The following FMO5 variants were observed in gnomAD, a reference collection of about 807,000 sequenced individuals.
The protein encoded by FMO5 is flavin-containing monooxygenase 5.
A neutral mutation model predicts 43.6 loss-of-function variants in FMO5; 51 were observed. That is an observed-to-expected ratio of 1.17 (90% confidence interval 0.93 to 1.48). FMO5 has a LOEUF of 1.48. Ranked by LOEUF, FMO5 falls within the 40% of genes most tolerant of loss-of-function variation. The pLI is 0.00. For synonymous variants in FMO5, 187 were observed against 216.5 expected, an observed-to-expected ratio of 0.86 and a Z score of 1.20; for missense variants, 644 against 643.0, an observed-to-expected ratio of 1.00 and a Z score of -0.02.
intron 5 of FMO5, chr1:147,209,781 C>T (rs1214738290): frequency 6.6e-6 from 1 of 152,184 alleles, no homozygotes; most frequent in Non-Finnish European, 1.5e-5. Context: ...GCACTTATCA[C>T]CTGTAGAACT....
intron 7 of FMO5, among the ~76,000 whole-genome samples, chr1:147,191,151 C>A (rs587653957): frequency 6.9e-4 from 105 of 152,218 alleles, no homozygotes; most frequent in Admixed American, 2.8e-3. Context: ...CATACGTGTG[C>A]ATGTGTCTTT....
intron 2 of FMO5, among the ~76,000 whole-genome samples, chr1:147,221,335 T>A (rs1662978474): frequency 6.6e-6 from 1 of 152,212 alleles, no homozygotes; most frequent in South Asian, 2.1e-4. Context: ...AAACGTATCA[T>A]ACTAATGTAA....
chr1:147,223,154 T>C (rs1663353638), intron 2 of FMO5, among the ~76,000 whole-genome samples: 1 of 152,122 alleles, frequency 6.6e-6, no homozygotes, highest in Non-Finnish European at 1.5e-5. Context: ...GTGACAGAAA[T>C]AAGGTTTGAG....
intron 7 of FMO5, among the ~76,000 whole-genome samples, chr1:147,198,815 C>T (rs1174771132): frequency 1.5e-5 from 2 of 133,380 alleles, no homozygotes; most frequent in African/African-American, 5.6e-5. Flanking sequence ...AGCGCCACTG[C>T]ACTCCAGCCT....
chr1:147,212,412 A>G lies in FMO5; in HGVS notation c.611T>C (p.Ile204Thr). 6.2e-7 allele frequency: 1 copy of G among 1,614,062 alleles called. No individual in the cohort carries two copies. The highest frequency in any genetic ancestry group is 8.5e-7 in the Non-Finnish European group (1 of 1,179,964). The change falls in exon 5 of 9, where the codon ATT becomes ACT. Residue 204 changes from isoleucine to threonine, a missense_variant. By Grantham distance (89) the Ile-to-Thr change is moderately conservative (BLOSUM62 -1). Transcript: ENST00000254090. ...GNSGGDLAVE[I>T]SQTAKQVFLS... is the part of the protein sequence containing the mutation. ...TCAAACCTGCTTGGCTGTTTGGCTA[A>G]TCTCTACAGCCAGATCCCCTCCAGA...
At chr1:147,198,850 C>CAAAAAAAAAAAAAA (rs151035141) in intron 7 of FMO5, among the ~76,000 whole-genome samples, 1 of 51,762 alleles carries the variant, frequency 1.9e-5, no homozygotes, top group Non-Finnish European at 3.6e-5. Context: ...GACTGCATCT[C>CAAAAAAAAAAAAAA]AAAAAAAAAA....
intron 1 of FMO5, 83 bp from the exon 2 acceptor site, chr1:147,225,149 A>C: frequency 1.3e-6 from 2 of 1,557,804 alleles, no homozygotes; most frequent in Non-Finnish European, 1.7e-6. Context: ...ATTCGAATAA[A>C]TTCTGTACAA....
intron 6 of FMO5, 73 bp from the exon 7 acceptor site, chr1:147,201,577 C>G (rs1364981520): frequency 8.0e-7 from 1 of 1,256,360 alleles, no homozygotes; most frequent in Non-Finnish European, 1.1e-6. Flanking sequence ...TAAAATTTTG[C>G]TTTGGTGGAG....
At chr1:147,226,072 G>T (rs587736196), upstream of FMO5, among the ~76,000 whole-genome samples, 57 of 151,482 alleles carry the variant, frequency 3.8e-4, no homozygotes, top group African/African-American at 1.3e-3. Context: ...CTAGGGCCGG[G>T]TGGTGGTGCC....
In FMO5 at chr1:147,203,830, T is replaced by G. The variant is rs113789825; in HGVS notation, c.831-2326A>C. On this transcript the variant is annotated intron_variant, in intron 6 of 8. Coordinates refer to ENST00000254090, the MANE Select transcript of FMO5 (RefSeq NM_001461.4). ...GTACTATGGTAGAAATGATGCCATC[T>G]TCCTTTTCATGCTTAAAAACCACCA... The G allele has an allele frequency of 9.2e-3, 14,327 of 1,561,686 alleles. 77 individuals are homozygous for G. Among genetic ancestry groups the G allele is most frequent in the African/African-American group, 0.021 (1,534 of 73,980 alleles).
chr1:147,216,046 A>G (rs1661932447), intron 2 of FMO5, 104 bp from the exon 3 acceptor site: 5 of 732,524 alleles, frequency 6.8e-6, no homozygotes, highest in South Asian at 1.8e-5. Context: ...TGTCAATTAA[A>G]TCACACACAC....
intron 6 of FMO5, among the ~76,000 whole-genome samples, chr1:147,206,933 TAAAAA>T (rs1660197569): frequency 6.6e-6 from 1 of 151,628 alleles, no homozygotes; most frequent in Non-Finnish European, 1.5e-5. Flanking sequence ...TAAAGTATAA[TAAAAA>T]TATATATATA....
At chr1:147,204,852 C>T in intron 6 of FMO5, 1 of 1,602,224 alleles carries the variant, frequency 6.2e-7, no homozygotes, top group Non-Finnish European at 8.6e-7. Flanking sequence ...TATACACAGC[C>T]TCTTCTAATT....
chr1:147,186,522 G>A lies in FMO5; in HGVS notation c.*378C>T, dbSNP rs1315259226. The A allele has an allele frequency of 9.0e-6, 9 of 996,244 alleles. No individual in the cohort carries two copies. In the South Asian group the frequency reaches 2.3e-4, roughly 26 times the overall value. The allele number at this position is 996,244 out of a possible 1,614,324, so 61.7% of individuals were successfully genotyped here. A position where few individuals can be genotyped will look rare whatever the true frequency, so the allele number is the denominator to read the frequency against. On this transcript the variant is annotated 3_prime_UTR_variant, in exon 9 of 9. Coordinates refer to ENST00000254090, the MANE Select transcript of FMO5 (RefSeq NM_001461.4). ...CAAACCCTATCAGAAGAAGAGTTAC[G>A]TGGAGTAAGCGATTTTATACCGATG... is the stretch of plus-strand genomic sequence containing the variant.
intron 7 of FMO5, 111 bp from the exon 8 acceptor site, chr1:147,190,360 T>C: frequency 1.5e-6 from 1 of 668,250 alleles, no homozygotes; most frequent in Non-Finnish European, 2.6e-6. Context: ...GTAAGTTTCC[T>C]GTACTCAAGG....
chr1:147,208,650 G>A, intron 6 of FMO5: 1 of 459,702 alleles, frequency 2.2e-6, no homozygotes, highest in Non-Finnish European at 4.0e-6. Flanking sequence ...TGTTGGCCAG[G>A]ATGGTCTCAA....
Position 147,201,262 on chromosome 1 carries a change from G to A in FMO5, c.1073C>T (p.Pro358Leu). 1 of 1,614,154 alleles carries A rather than the reference G, an allele frequency of 6.2e-7. No individual in the cohort carries two copies. Among genetic ancestry groups the A allele is most frequent in the Non-Finnish European group, 8.5e-7 (1 of 1,180,020 alleles). Reference protein sequence around the residue: ...NKISLYKKVFPPNLERPTLAI... With the variant: ...NKISLYKKVFLPNLERPTLAI... Reference sequence around the variant, plus strand: ...AAGAGTTGGCCTTTCCAGGTTAGGAGGGAAGACCTTTTTATACAGGGATAT... The same window carrying A: ...AAGAGTTGGCCTTTCCAGGTTAGGAAGGAAGACCTTTTTATACAGGGATAT... The change falls in exon 7 of 9, where the codon CCT (proline) becomes CTT (leucine). Residue 358 changes from proline (P) to leucine (L), a missense_variant. By Grantham distance (98) the Pro-to-Leu change is moderately conservative. Transcript: ENST00000254090.
chr1:147,226,438 A>G (rs1474291578), upstream of FMO5, among the ~76,000 whole-genome samples: 5 of 152,240 alleles, frequency 3.3e-5, no homozygotes, highest in South Asian at 1.0e-3. Flanking sequence ...ACGAAATAAA[A>G]GTATTTTTAA....
chr1:147,224,799 C>A (rs587741749), intron 2 of FMO5, 96 bp downstream of exon 2: 1 of 1,263,694 alleles, frequency 7.9e-7, no homozygotes, highest in South Asian at 1.3e-5. Context: ...CGTGTGCCAA[C>A]CGCGCCCGGC....
Sources: allele counts gnomAD v4.1 joint callset (sites outside exome capture counted in the v4.1 genomes callset), GRCh38; gene constraint gnomAD v4.1.1; transcripts MANE v1.5; gene names NCBI Gene and HGNC (gene_info 2026-07-23, HGNC 2026-07-21).